Variants in DHX8 observed in about 807,000 individuals in gnomAD.
DHX8 encodes the protein ATP-dependent RNA helicase DHX8.
DHX8 carries 67 observed loss-of-function variants against 140.7 expected under a neutral mutation model. The observed-to-expected ratio is 0.48, with a 90% confidence interval of 0.39 to 0.58. The LOEUF (loss-of-function observed/expected upper bound fraction) is 0.58. Ranked by LOEUF, DHX8 falls within the 20% of genes least tolerant of loss-of-function variation. The pLI is 0.00. For synonymous variants in DHX8, 533 were observed against 553.2 expected, an observed-to-expected ratio of 0.96 and a Z score of 0.51; for missense variants, 887 against 1,550.7, an observed-to-expected ratio of 0.57 and a Z score of 7.19.
chr17:43,489,792 G>T (rs557740288), intron 2 of DHX8, among the ~76,000 whole-genome samples: 1 of 151,914 alleles, frequency 6.6e-6, no homozygotes, highest in African/African-American at 2.4e-5. Context: ...GGGTTTCACC[G>T]TGTTAGCCAG....
At chr17:43,518,411 G>C (rs1970216997) in intron 18 of DHX8, 1 of 152,108 alleles carries the variant, frequency 6.6e-6, no homozygotes, top group South Asian at 2.1e-4. Flanking sequence ...AGATTGCACT[G>C]TGGTGGTTTT....
chr17:43,508,913 C>A (rs1424764141), intron 16 of DHX8, among the ~76,000 whole-genome samples: 1 of 151,972 alleles, frequency 6.6e-6, no homozygotes, highest in Non-Finnish European at 1.5e-5. Flanking sequence ...GCCACCGCGC[C>A]CGGCCAGGTG....
At chr17:43,533,487 G>T in intron 2 of DHX8, 1 of 820,846 alleles carries the variant, frequency 1.2e-6, no homozygotes. Context: ...AACGGCAGGA[G>T]CCACAGACTC....
chr17:43,517,052 A>C, intron 17 of DHX8, 115 bp from the exon 18 acceptor site: 5 of 1,130,898 alleles, frequency 4.4e-6, no homozygotes, highest in Non-Finnish European at 6.1e-6. Context: ...AAGTGAAATC[A>C]ACCCCATTTC....
chr17:43,499,915 C>T (rs185108619), intron 10 of DHX8, 41 bp from the exon 11 acceptor site: 41 of 1,606,230 alleles, frequency 2.6e-5, no homozygotes, highest in Middle Eastern at 1.7e-4. Flanking sequence ...TATTATTTCC[C>T]GGACATTTAA....
At chr17:43,484,738 C>G (rs1285011973) in intron 1 of DHX8, among the ~76,000 whole-genome samples, 3 of 152,122 alleles carry the variant, frequency 2.0e-5, no homozygotes, top group Non-Finnish European at 4.4e-5. Context: ...ACCTCCTGGG[C>G]TCAAGCAGTC....
downstream of DHX8, chr17:43,529,857 C>T (rs1970801054): frequency 6.2e-7 from 1 of 1,612,584 alleles, no homozygotes; most frequent in African/African-American, 1.3e-5. Context: ...AGACCTTGAC[C>T]CTCCCATCAA....
At position 43,504,565 on chromosome 17, in the gene DHX8, C is replaced by T. The variant is rs535595239; in HGVS notation, c.1547-79C>T. ...ATTGAGATGCTGCATGTGCAGTGCC[C>T]GCATGCCATTTTATTTTTTTCCTGG... On this transcript the variant is annotated intron_variant, in intron 11 of 22. Transcript: ENST00000262415. The T allele has an allele frequency of 9.8e-6, 14 of 1,428,476 alleles. No individual in the cohort carries two copies. In the Admixed American group the frequency reaches 2.2e-4, roughly 22 times the overall value. 88.5% of individuals were successfully genotyped at this position (1,428,476 alleles called of 1,614,324 possible).
chr17:43,543,409 T>C (rs1330646762), intron 3 of DHX8, among the ~76,000 whole-genome samples: 1 of 151,352 alleles, frequency 6.6e-6, no homozygotes, highest in Non-Finnish European at 1.5e-5. Flanking sequence ...AGCATTTTCC[T>C]CCCCCTCCCA....
intron 2 of DHX8, among the ~76,000 whole-genome samples, chr17:43,535,171 G>A (rs544933515): frequency 2.6e-5 from 4 of 152,326 alleles, no homozygotes; most frequent in South Asian, 2.1e-4. Context: ...GTCAAATGCC[G>A]TTTGTAACCA....
At chr17:43,506,618 CAA>C (rs59130188) in intron 12 of DHX8, among the ~76,000 whole-genome samples, 16 of 73,516 alleles carry the variant, frequency 2.2e-4, no homozygotes, top group Admixed American at 3.0e-4. Flanking sequence ...GACTTCATCT[CAA>C]AAAAAAAAAA....
chr17:43,496,777 C>CA (rs199767106), intron 9 of DHX8, among the ~76,000 whole-genome samples: 32,850 of 141,366 alleles, frequency 0.23, 3,756 homozygotes, highest in East Asian at 0.33. Flanking sequence ...GAGACTCTAT[C>CA]AAAAAAAAAA....
chr17:43,541,331 C>T (rs1312290696), intron 3 of DHX8, among the ~76,000 whole-genome samples: 1 of 152,198 alleles, frequency 6.6e-6, no homozygotes, highest in Non-Finnish European at 1.5e-5. Flanking sequence ...ACACCACTCT[C>T]TTTATTTATT....
intron 2 of DHX8, chr17:43,532,659 A>G: frequency 6.2e-7 from 1 of 1,604,396 alleles, no homozygotes; most frequent in Non-Finnish European, 8.5e-7. Flanking sequence ...ACCCTGCCCC[A>G]CCCCAGTCTC....
At chr17:43,538,930 A>T (rs1157582842) in intron 3 of DHX8, among the ~76,000 whole-genome samples, 1 of 147,354 alleles carries the variant, frequency 6.8e-6, no homozygotes, top group East Asian at 2.0e-4. Flanking sequence ...GCTAGAAAAA[A>T]CCTCCACACC....
chr17:43,523,120 A>G (rs1970466781), intron 22 of DHX8, among the ~76,000 whole-genome samples: 1 of 152,130 alleles, frequency 6.6e-6, no homozygotes, highest in Non-Finnish European at 1.5e-5. Flanking sequence ...GTTTAAAAAA[A>G]AAAACTTGTT....
chr17:43,500,283 G>A (rs575921375), intron 11 of DHX8, among the ~76,000 whole-genome samples, 180 bp downstream of exon 11: 10 of 152,178 alleles, frequency 6.6e-5, no homozygotes, highest in Non-Finnish European at 1.3e-4. Context: ...TCAGGAGTTC[G>A]AGACCGACCT....
In DHX8 at chr17:43,507,650, A is replaced by G; in HGVS notation, c.2071A>G (p.Thr691Ala). Residue 691 changes from threonine to alanine, a missense_variant, in exon 14 of 23, where the codon ACA becomes GCA. Thr to Ala is a moderately conservative substitution (Grantham distance 58, BLOSUM62 0). Around this residue, in one of 9 missense-constraint regions of DHX8, gnomAD observed 178 missense variants for 398.5 expected, o/e 0.45. Coordinates refer to ENST00000262415, the MANE Select transcript of DHX8 (RefSeq NM_004941.3). ...CATGTTGGACGAGGCACATGAGAGG[A>G]CAATTCACACTGATGTGCTCTTTGG... The part of the protein sequence containing the change: ...IIMLDEAHER[T>A]IHTDVLFGLL... The G allele has an allele frequency of 6.2e-7, 1 of 1,614,166 alleles. No individual in the cohort carries two copies. The highest frequency in any genetic ancestry group is 2.2e-5 in the East Asian group (1 of 44,886).
intron 17 of DHX8, among the ~76,000 whole-genome samples, chr17:43,514,759 T>C (rs1970022048): frequency 6.6e-6 from 1 of 152,202 alleles, no homozygotes; most frequent in South Asian, 2.1e-4. Flanking sequence ...TGGAAAAAAT[T>C]CTAAATGTAT....
Sources: allele counts gnomAD v4.1 joint callset (sites outside exome capture counted in the v4.1 genomes callset), GRCh38; gene constraint gnomAD v4.1.1; regional missense constraint gnomAD v4.1.1; transcripts MANE v1.5; gene names NCBI Gene and HGNC (gene_info 2026-07-23, HGNC 2026-07-21).